The following GABRB1 variants were observed in gnomAD, a reference collection of about 807,000 sequenced individuals.
GABRB1 encodes the protein gamma-aminobutyric acid receptor subunit beta-1.
GABRB1 carries 17 observed loss-of-function variants against 51.6 expected under a neutral mutation model. The ratio of observed to expected loss-of-function variants is 0.33; its 90% CI spans 0.23 to 0.49. The LOEUF is 0.49. GABRB1 is among the 20% of genes least tolerant of loss of function. The pLI is 0.99. For missense variants in GABRB1, 410 were observed against 600.6 expected (o/e 0.68, Z 3.32); for synonymous variants, 247 against 218.9 (o/e 1.13, Z -1.14).
chr4:47,185,458 C>G (rs545951548), intron 4 of GABRB1, among the ~76,000 whole-genome samples: 43 of 151,812 alleles, frequency 2.8e-4, no homozygotes, highest in Non-Finnish European at 5.5e-4. Context: ...TGAAATCAGT[C>G]ACATGCAGTA....
intron 3 of GABRB1, among the ~76,000 whole-genome samples, chr4:47,052,193 C>A (rs1036352255): frequency 6.6e-6 from 1 of 152,042 alleles, no homozygotes; most frequent in African/African-American, 2.4e-5. Context: ...AAGACCTGTG[C>A]CTTGTAATTG....
chr4:47,230,502 G>A (rs1721102687), intron 4 of GABRB1, among the ~76,000 whole-genome samples: 1 of 152,130 alleles, frequency 6.6e-6, no homozygotes, highest in Non-Finnish European at 1.5e-5. Flanking sequence ...CCCTTGGAAG[G>A]GCTAAAAATT....
At chr4:47,034,750 A>G (rs1335682709) in intron 3 of GABRB1, among the ~76,000 whole-genome samples, 1 of 152,158 alleles carries the variant, frequency 6.6e-6, no homozygotes, top group East Asian at 1.9e-4. Context: ...ATAAAGAGTA[A>G]TGTTTTTAAA....
intron 4 of GABRB1, among the ~76,000 whole-genome samples, chr4:47,220,782 C>T (rs937460908): frequency 3.3e-5 from 5 of 151,882 alleles, no homozygotes; most frequent in African/African-American, 9.7e-5. Flanking sequence ...TCAGTGCCCC[C>T]CCTTTCATCT....
intron 4 of GABRB1, among the ~76,000 whole-genome samples, chr4:47,247,919 T>C (rs1721828959): frequency 6.6e-6 from 1 of 152,040 alleles, no homozygotes; most frequent in Non-Finnish European, 1.5e-5. Context: ...TGGAGGAGTC[T>C]TTAGGGTTTT....
At chr4:47,398,675 C>G (rs925818749) in intron 5 of GABRB1, among the ~76,000 whole-genome samples, 2 of 152,254 alleles carry the variant, frequency 1.3e-5, no homozygotes, top group African/African-American at 4.8e-5. Flanking sequence ...ATCTCCGCCT[C>G]CCAGGTTCAC....
At chr4:47,230,095 A>G (rs1307542028) in intron 4 of GABRB1, among the ~76,000 whole-genome samples, 2 of 152,196 alleles carry the variant, frequency 1.3e-5, no homozygotes, top group African/African-American at 2.4e-5. Context: ...TCTATAGAAA[A>G]TATACTTCTG....
chr4:47,084,164 A>AC (rs1272335955), intron 3 of GABRB1, among the ~76,000 whole-genome samples: 2 of 152,202 alleles, frequency 1.3e-5, no homozygotes, highest in Admixed American at 1.3e-4. Flanking sequence ...TCAAGGTCAA[A>AC]CATCAATAAC....
chr4:47,098,906 T>C (rs1714593346), intron 3 of GABRB1, among the ~76,000 whole-genome samples: 1 of 152,068 alleles, frequency 6.6e-6, no homozygotes, highest in South Asian at 2.1e-4. Flanking sequence ...ATTCAACACT[T>C]TAGGAACACT....
chr4:47,170,761 C>A (rs956679960), intron 4 of GABRB1, among the ~76,000 whole-genome samples: 1 of 152,076 alleles, frequency 6.6e-6, no homozygotes, highest in African/African-American at 2.4e-5. Context: ...AAACAGCAGA[C>A]CGTACATAAA....
intron 4 of GABRB1, among the ~76,000 whole-genome samples, chr4:47,293,391 G>A (rs4694842): frequency 0.064 from 9,691 of 152,010 alleles, 510 homozygotes; most frequent in East Asian, 0.28. Context: ...CACCCACCTC[G>A]GCCTCCCAAA....
chr4:47,282,495 A>G lies in GABRB1; in HGVS notation c.462-37632A>G, dbSNP rs542457617. 2.0e-5 allele frequency among the ~76,000 whole-genome samples: 3 copies of G among 152,326 alleles called. No individual in the cohort carries two copies. In the South Asian group the frequency reaches 6.2e-4, roughly 32 times the overall value. On this transcript the variant is annotated intron_variant, in intron 4 of 8. Transcript: ENST00000295454. Reference sequence around the variant, plus strand: ...ACAACCATACATAACTAGTTGTAGTAGCACATAACTAGTTGTAGTAGCCCC... The same window carrying G: ...ACAACCATACATAACTAGTTGTAGTGGCACATAACTAGTTGTAGTAGCCCC...
intron 4 of GABRB1, among the ~76,000 whole-genome samples, chr4:47,195,234 G>A (rs939946203): frequency 1.3e-5 from 2 of 152,110 alleles, no homozygotes; most frequent in South Asian, 2.1e-4. Flanking sequence ...GGGCATTGTG[G>A]CGGGCGCCTG....
At position 47,228,744 on chromosome 4, in the gene GABRB1, T is replaced by C. The variant is rs139236993; in HGVS notation, c.461+67275T>C. ...GGCCTCAGCTAATTCTGCAGGATGATCTCGAGCTCTCAGAGTTGTTTGTAT... is the reference window on the plus strand; with the variant it reads ...GGCCTCAGCTAATTCTGCAGGATGACCTCGAGCTCTCAGAGTTGTTTGTAT... On this transcript the variant is annotated intron_variant, in intron 4 of 8. Transcript: ENST00000295454. 5.1e-3 allele frequency among the ~76,000 whole-genome samples: 771 copies of C among 152,192 alleles called. 5 individuals are homozygous for C. Among genetic ancestry groups the C allele is most frequent in the South Asian group, 0.017 (82 of 4,818 alleles).
chr4:47,050,052 A>C lies in GABRB1; in HGVS notation c.240+17568A>C, dbSNP rs71611991. 8.8e-3 allele frequency among the ~76,000 whole-genome samples: 1,340 copies of C among 152,310 alleles called. 11 individuals are homozygous for C. The highest frequency in any genetic ancestry group is 0.015 in the Non-Finnish European group (1,001 of 68,022). ...CTTAGGTGTAGTTTGGGAGTTTAGC[A>C]AGCAAATGCTTAACTATCTATGTGC... On this transcript the variant is annotated intron_variant, in intron 3 of 8. Coordinates refer to ENST00000295454, the MANE Select transcript of GABRB1 (RefSeq NM_000812.4).
At chr4:46,995,292 C>T (rs976047646) in intron 1 of GABRB1, among the ~76,000 whole-genome samples, 5 of 152,162 alleles carry the variant, frequency 3.3e-5, no homozygotes, top group Non-Finnish European at 5.9e-5. Flanking sequence ...AGTGTATCCT[C>T]CAAATATGCC....
intron 4 of GABRB1, among the ~76,000 whole-genome samples, chr4:47,256,094 G>A (rs1722187063): frequency 6.6e-6 from 1 of 152,182 alleles, no homozygotes; most frequent in Non-Finnish European, 1.5e-5. Flanking sequence ...TGAGAGGCTG[G>A]TATAATAATT....
At chr4:47,257,504 A>G (rs1722259573) in intron 4 of GABRB1, among the ~76,000 whole-genome samples, 1 of 149,214 alleles carries the variant, frequency 6.7e-6, no homozygotes, top group African/African-American at 2.4e-5. Flanking sequence ...GAAATCTCAC[A>G]GTTTGACACA....
chr4:47,086,221 A>G (rs1229006249), intron 3 of GABRB1, among the ~76,000 whole-genome samples: 2 of 152,208 alleles, frequency 1.3e-5, no homozygotes, highest in African/African-American at 4.8e-5. Context: ...TGCTTTACAC[A>G]TGTTTGCGGG....
Sources: allele counts gnomAD v4.1 joint callset (sites outside exome capture counted in the v4.1 genomes callset), GRCh38; gene constraint gnomAD v4.1.1; transcripts MANE v1.5; gene names NCBI Gene and HGNC (gene_info 2026-07-23, HGNC 2026-07-21).